TEX36: variants seen among roughly 807,000 people sequenced by gnomAD.
TEX36 encodes testis expressed 36.
Under a neutral mutation model 13.6 loss-of-function variants are expected in TEX36, and 12 were observed. The ratio of observed to expected loss-of-function variants is 0.88; its 90% CI spans 0.56 to 1.43. TEX36 has a LOEUF of 1.43. TEX36 is among the 40% of genes most tolerant of loss of function. The pLI is 0.00. For missense variants in TEX36, 224 were observed against 228.3 expected, an observed-to-expected ratio of 0.98 and a Z score of 0.12; for synonymous variants, 93 against 83.0, an observed-to-expected ratio of 1.12 and a Z score of -0.65.
In TEX36 at chr10:125,629,066, A is replaced by G. The variant is rs548987323; in HGVS notation, c.265-7421T>C. 2.0e-3 allele frequency among the ~76,000 whole-genome samples: 302 copies of G among 152,322 alleles called. 2 individuals carry two copies. In the South Asian group the frequency reaches 0.021, roughly 11 times the overall value. On this transcript the variant is annotated intron_variant, in intron 3 of 3. Coordinates refer to the TEX36 transcript ENST00000526819. ...GACTTACACCCAGCCTGGGAGCTCC[A>G]TGGCCTCTCTGTAGTTCGGAATTTG... is the stretch of plus-strand genomic sequence containing the variant.
chr10:125,643,056 C>A (rs1052563962), intron 3 of TEX36, among the ~76,000 whole-genome samples: 1 of 152,112 alleles, frequency 6.6e-6, no homozygotes, highest in African/African-American at 2.4e-5. Flanking sequence ...GGGCATTTGA[C>A]GAGGTTATTC....
intron 3 of TEX36, among the ~76,000 whole-genome samples, chr10:125,641,416 C>A (rs367831102): frequency 6.6e-6 from 1 of 152,212 alleles, no homozygotes; most frequent in East Asian, 1.9e-4. Flanking sequence ...AGGGCCTTTA[C>A]ATCTGATTTT....
At chr10:125,601,314 C>T (rs1000827510) in intron 3 of TEX36, among the ~76,000 whole-genome samples, 25 of 152,256 alleles carry the variant, frequency 1.6e-4, no homozygotes, top group Non-Finnish European at 2.9e-4. Flanking sequence ...AAGGGGACCT[C>T]CCTGTAACTT....
chr10:125,636,544 T>A (rs1846626253), intron 3 of TEX36, among the ~76,000 whole-genome samples: 1 of 152,172 alleles, frequency 6.6e-6, no homozygotes, highest in Admixed American at 6.5e-5. Context: ...GTTGACTCAT[T>A]ACATGAATAA....
intron 3 of TEX36, among the ~76,000 whole-genome samples, chr10:125,578,739 T>G (rs1473913502): frequency 6.6e-6 from 1 of 152,126 alleles, no homozygotes; most frequent in Admixed American, 6.5e-5. Flanking sequence ...ATGCCTAGAC[T>G]ACTGTGGTCC....
intron 3 of TEX36, among the ~76,000 whole-genome samples, chr10:125,616,164 T>G (rs1463382676): frequency 6.6e-6 from 1 of 152,220 alleles, no homozygotes; most frequent in Non-Finnish European, 1.5e-5. Flanking sequence ...TCTATTTGAT[T>G]CTTCTCTCTT....
At chr10:125,583,578 T>C (rs1396428858) in intron 3 of TEX36, among the ~76,000 whole-genome samples, 3 of 152,196 alleles carry the variant, frequency 2.0e-5, no homozygotes, top group Non-Finnish European at 4.4e-5. Context: ...CTCAATACTA[T>C]CATACTGGCA....
intron 1 of TEX36, among the ~76,000 whole-genome samples, chr10:125,682,663 T>C (rs1036839469): frequency 1.3e-5 from 2 of 152,144 alleles, no homozygotes; most frequent in East Asian, 3.9e-4. Context: ...AAATAGATGT[T>C]AAGGAAGAAA....
At chr10:125,593,568 T>G (rs1182626367) in intron 3 of TEX36, among the ~76,000 whole-genome samples, 1 of 152,198 alleles carries the variant, frequency 6.6e-6, no homozygotes, top group East Asian at 1.9e-4. Context: ...GTGCAAAGCA[T>G]CACACAGTGT....
chr10:125,620,244 C>A (rs982342614), downstream of TEX36, among the ~76,000 whole-genome samples: 4 of 152,310 alleles, frequency 2.6e-5, no homozygotes, highest in East Asian at 7.7e-4. Flanking sequence ...CCCATCTCAA[C>A]AAATCCTTGC....
downstream of TEX36, among the ~76,000 whole-genome samples, chr10:125,654,637 T>C (rs1846912402): frequency 6.6e-6 from 1 of 152,158 alleles, no homozygotes; most frequent in Admixed American, 6.5e-5. Flanking sequence ...GGGGACATTG[T>C]CAGTCTATAG....
At chr10:125,605,586 G>GTTTA (rs56727269) in intron 3 of TEX36, among the ~76,000 whole-genome samples, 17,533 of 151,356 alleles carry the variant, frequency 0.12, 1,120 homozygotes, top group South Asian at 0.23. Context: ...GGTCCAAGAT[G>GTTTA]TTTATTTATT....
rs1276216725 is a variant in TEX36 at position 125,656,010 on chromosome 10, A to AT, written c.450dup (p.Trp151MetfsTer9). On this transcript the variant is annotated frameshift_variant, in exon 4 of 4. Transcript: ENST00000368821. LOFTEE classifies it low-confidence loss of function (END_TRUNC). ...TCAGGAAGAAATGTAAAAGCGTTCC[A>AT]TATCTCTTTATAGCATCGTGGAAAG... 6.4e-7 allele frequency: 1 copy of AT among 1,551,924 alleles called. No individual in the cohort carries two copies. The highest frequency in any genetic ancestry group is 1.4e-5 in the African/African-American group (1 of 73,162).
chr10:125,678,964 C>T (rs994172119), intron 1 of TEX36, among the ~76,000 whole-genome samples: 2 of 152,128 alleles, frequency 1.3e-5, no homozygotes, highest in African/African-American at 4.8e-5. Context: ...GTGGTAGCAG[C>T]TGTGCTGAGG....
At chr10:125,611,402 C>G (rs1041765615) in intron 3 of TEX36, among the ~76,000 whole-genome samples, 36 of 152,242 alleles carry the variant, frequency 2.4e-4, no homozygotes, top group African/African-American at 7.0e-4. Context: ...AATTTCATAA[C>G]CTGAATAAAT....
downstream of TEX36, among the ~76,000 whole-genome samples, chr10:125,619,310 C>A (rs539058631): frequency 6.6e-6 from 1 of 151,972 alleles, no homozygotes; most frequent in African/African-American, 2.4e-5. Flanking sequence ...CAGGAGGCAC[C>A]ACCACCAAGT....
At chr10:125,599,226 T>C (rs1846116424) in intron 3 of TEX36, among the ~76,000 whole-genome samples, 1 of 152,218 alleles carries the variant, frequency 6.6e-6, no homozygotes, top group African/African-American at 2.4e-5. Context: ...TAACGGTTTG[T>C]GGAAGAAGTC....
At position 125,661,120 on chromosome 10, in the gene TEX36, A is replaced by G. The variant is rs1847030074; in HGVS notation, c.184-19T>C. On this transcript the variant is annotated intron_variant, in intron 2 of 3. Coordinates refer to ENST00000368821, the MANE Select transcript of TEX36 (RefSeq NM_001128202.3). ...CTGCTTGCTGGAAAAGTGGGATGGA[A>G]GGGAAAGAGCACACATTAGAACCCT... 1 of 1,544,942 alleles carries G rather than the reference A, an allele frequency of 6.5e-7. No homozygotes were observed. Among genetic ancestry groups the G allele is most frequent in the Non-Finnish European group, 8.8e-7 (1 of 1,140,726 alleles).
chr10:125,611,948 T>A (rs1846294693), intron 3 of TEX36, among the ~76,000 whole-genome samples: 1 of 152,070 alleles, frequency 6.6e-6, no homozygotes, highest in Non-Finnish European at 1.5e-5. Context: ...TCATAGCACT[T>A]TGCACAATGG....
Sources: allele counts gnomAD v4.1 joint callset (sites outside exome capture counted in the v4.1 genomes callset), GRCh38; gene constraint gnomAD v4.1.1; transcripts MANE v1.5; gene names NCBI Gene and HGNC (gene_info 2026-07-23, HGNC 2026-07-21).